The following PLEKHH2 variants were observed in gnomAD, a reference collection of about 807,000 sequenced individuals.
The protein encoded by PLEKHH2 is pleckstrin homology, MyTH4 and FERM domain containing H2, also known as pleckstrin homology domain-containing family H member 2.
Under a neutral mutation model 187.9 loss-of-function variants are expected in PLEKHH2, and 129 were observed. The observed-to-expected ratio is 0.69, with a 90% CI of 0.59 to 0.79. The LOEUF is 0.79. Among genes scored for constraint, PLEKHH2 ranks in the 30% least tolerant of loss-of-function variants. The probability of loss-of-function intolerance (pLI) is 0.00; values close to 1 mark genes in which losing one functional copy is unlikely to be tolerated. For missense variants in PLEKHH2, 2,076 were observed against 1,751.2 expected (o/e 1.19, Z -3.31); for synonymous variants, 686 against 605.6 (o/e 1.13, Z -1.95).
Position 43,706,351 on chromosome 2 carries a change from T to C in PLEKHH2, c.1756T>C (p.Ser586Pro). The C allele has an allele frequency of 6.2e-7, 1 of 1,609,894 alleles. No homozygotes were observed. The highest frequency in any genetic ancestry group is 2.2e-5 in the East Asian group (1 of 44,822). ...TGCTGCAACCCTTTCCTATACTACA[T>C]CAGGACTTTATACATCTCTGATATA... ...NSAATLSYTTSGLYTSLIYKN... is the reference protein window; with the variant it reads ...NSAATLSYTTPGLYTSLIYKN... The change falls in exon 10 of 30, where the codon TCA becomes CCA. Residue 586 changes from serine to proline, a missense_variant. Ser to Pro is a moderately conservative substitution (Grantham distance 74, BLOSUM62 -1). Coordinates refer to ENST00000282406, the MANE Select transcript of PLEKHH2 (RefSeq NM_172069.4).
intron 10 of PLEKHH2, 46 bp from the exon 11 acceptor site, chr2:43,707,355 G>C: frequency 1.0e-5 from 16 of 1,605,236 alleles, no homozygotes; most frequent in Non-Finnish European, 1.4e-5. Flanking sequence ...TGGATGAGTG[G>C]TAACATTAGG....
intron 3 of PLEKHH2, chr2:43,680,516 T>G (rs1162793281): frequency 6.4e-6 from 1 of 155,852 alleles, no homozygotes; most frequent in East Asian, 1.9e-4. Flanking sequence ...TCATGTTTCC[T>G]TCCTTCAACT....
intron 2 of PLEKHH2, among the ~76,000 whole-genome samples, chr2:43,673,491 G>A (rs115185500): frequency 0.012 from 1,753 of 152,112 alleles, 27 homozygotes; most frequent in African/African-American, 0.04. Context: ...TAGTCAGAAC[G>A]GGTTATATTA....
intron 27 of PLEKHH2, 31 bp downstream of exon 27, chr2:43,759,060 GA>G: frequency 6.3e-7 from 1 of 1,599,474 alleles, no homozygotes; most frequent in Admixed American, 1.7e-5. Context: ...GATGCATAAT[GA>G]AAACCTTTGT....
chr2:43,706,270 A>AT, intron 9 of PLEKHH2, 52 bp from the exon 10 acceptor site: 1 of 1,236,750 alleles, frequency 8.1e-7, no homozygotes. Flanking sequence ...AAAAAGACCA[A>AT]TGTGCTAATT....
chr2:43,648,859 C>T (rs543306574), intron 2 of PLEKHH2, among the ~76,000 whole-genome samples: 17 of 152,204 alleles, frequency 1.1e-4, no homozygotes, highest in Non-Finnish European at 2.4e-4. Context: ...GGATTACAGG[C>T]GTGAGCCACC....
chr2:43,640,607 T>C (rs964496042), intron 1 of PLEKHH2, among the ~76,000 whole-genome samples: 2 of 152,196 alleles, frequency 1.3e-5, no homozygotes, highest in African/African-American at 4.8e-5. Flanking sequence ...CAACACTTGT[T>C]GTTAGATGTC....
intron 2 of PLEKHH2, among the ~76,000 whole-genome samples, chr2:43,656,573 C>G (rs1156366353): frequency 6.6e-6 from 1 of 152,224 alleles, no homozygotes; most frequent in Non-Finnish European, 1.5e-5. Context: ...CTACACATAA[C>G]AGGCTAACCT....
chr2:43,678,727 T>G lies in PLEKHH2; in HGVS notation c.124-136T>G, dbSNP rs1221537193. ...AAGAGAGGGAGAGGGAGACCGTGGGTAGAGGTGGAAGTGGAGGTGGAGGTG... is the reference window on the plus strand; with the variant it reads ...AAGAGAGGGAGAGGGAGACCGTGGGGAGAGGTGGAAGTGGAGGTGGAGGTG... On this transcript the variant is annotated intron_variant, in intron 2 of 29. Transcript: ENST00000282406. 1.6e-5 allele frequency: 10 copies of G among 608,792 alleles called. No homozygotes were observed. The Middle Eastern group carries it at 1.4e-3, about 86-fold the overall frequency. The allele number at this position is 608,792 out of a possible 1,614,324, so 37.7% of individuals were successfully genotyped here.
At chr2:43,666,659 A>G (rs968667826) in intron 2 of PLEKHH2, among the ~76,000 whole-genome samples, 1 of 152,208 alleles carries the variant, frequency 6.6e-6, no homozygotes, top group Non-Finnish European at 1.5e-5. Context: ...ATAGGTATGT[A>G]GTTGTATTTC....
At chr2:43,676,429 TA>T in intron 2 of PLEKHH2, 1 of 805,282 alleles carries the variant, frequency 1.2e-6, no homozygotes, top group Non-Finnish European at 1.9e-6. Context: ...TGGGCCACTC[TA>T]GCTGCGGGAG....
In PLEKHH2 at chr2:43,697,236, A is replaced by C. The variant is rs762821260; in HGVS notation, c.568A>C (p.Ser190Arg). ...GCTTTCGGAAGGCCAGCGCCTGAGC[A>C]GTTTGACCTTTGGGTGCTTTTTATC... ...LKLSEGQRLS[S>R]LTFGCFLSRA... is the part of the protein sequence containing the mutation. Residue 190 changes from serine to arginine, a missense_variant, in exon 7 of 30, where the codon AGT (serine) becomes CGT (arginine). Coordinates refer to ENST00000282406, the MANE Select transcript of PLEKHH2 (RefSeq NM_172069.4). 8 of 1,613,996 alleles carry C rather than the reference A, an allele frequency of 5.0e-6. No individual in the cohort carries two copies. Among genetic ancestry groups the C allele is most frequent in the East Asian group, 2.2e-5 (1 of 44,876 alleles).
At chr2:43,676,617 G>A (rs921788007) in intron 2 of PLEKHH2, among the ~76,000 whole-genome samples, 4 of 152,056 alleles carry the variant, frequency 2.6e-5, no homozygotes, top group Non-Finnish European at 5.9e-5. Flanking sequence ...GCTCTAAAGT[G>A]AGCCAGACAT....
At chr2:43,727,435 A>AAGGCAGTGT (rs901433409) in intron 17 of PLEKHH2, among the ~76,000 whole-genome samples, 2 of 150,140 alleles carry the variant, frequency 1.3e-5, no homozygotes, top group African/African-American at 4.9e-5. Context: ...CAAAAACAAA[A>AAGGCAGTGT]AGGCAGTGTA....
chr2:43,705,580 C>T (rs946823455), intron 9 of PLEKHH2, among the ~76,000 whole-genome samples: 3 of 152,206 alleles, frequency 2.0e-5, no homozygotes, highest in Middle Eastern at 6.8e-3. Flanking sequence ...TCCAATATTT[C>T]AACATCAGAT....
At position 43,673,217 on chromosome 2, in the gene PLEKHH2, G is replaced by T. The variant is rs562981115; in HGVS notation, c.124-5646G>T. On this transcript the variant is annotated intron_variant, in intron 2 of 29. Transcript: ENST00000282406. ...CCCTGACCTACTTCTTTCCTCCTAT[G>T]TTATATTGAGACAAGTCCCAAATAT... is the stretch of plus-strand genomic sequence containing the variant. Among the ~76,000 whole-genome samples the T allele has an allele frequency of 6.6e-5, 10 of 152,096 alleles. No individual in the cohort carries two copies. The South Asian group carries it at 2.1e-3, about 32-fold the overall frequency.
chr2:43,691,433 A>C (rs769175757), intron 3 of PLEKHH2, among the ~76,000 whole-genome samples: 78 of 152,198 alleles, frequency 5.1e-4, no homozygotes, highest in South Asian at 2.1e-4. Context: ...CATCACTCAA[A>C]AGTGGGCATG....
At chr2:43,695,329 C>A in intron 6 of PLEKHH2, 105 bp downstream of exon 6, 3 of 528,392 alleles carry the variant, frequency 5.7e-6, no homozygotes, top group Non-Finnish European at 9.5e-6. Context: ...ATCCAAGAAG[C>A]TGTTGCCATA....
chr2:43,690,008 C>A (rs1290937367), intron 3 of PLEKHH2, among the ~76,000 whole-genome samples: 1 of 152,124 alleles, frequency 6.6e-6, no homozygotes, highest in African/African-American at 2.4e-5. Context: ...TATTTTTATT[C>A]TTACTCAGTT....
Sources: gnomAD v4.1 joint callset for allele counts (sites outside exome capture counted in the v4.1 genomes callset) on GRCh38, gnomAD v4.1.1 for gene constraint, MANE v1.5 for transcripts, NCBI Gene and HGNC (gene_info 2026-07-23, HGNC 2026-07-21) for gene names.